The following NKIRAS1 variants were observed in gnomAD, a reference collection of about 807,000 sequenced individuals.
The protein encoded by NKIRAS1 is NFKB inhibitor interacting Ras like 1.
NKIRAS1 carries 16 observed loss-of-function variants against 19.8 expected under a neutral mutation model. That is an observed-to-expected ratio of 0.81 (90% CI 0.55 to 1.23). The LOEUF is 1.23. Among genes scored for constraint, NKIRAS1 ranks in the 50% most tolerant of loss-of-function variants. The pLI is 0.00. For missense variants in NKIRAS1, 184 were observed against 220.0 expected (o/e 0.84, Z 1.04); for synonymous variants, 88 against 79.0 (o/e 1.11, Z -0.61).
intron 3 of NKIRAS1, among the ~76,000 whole-genome samples, chr3:23,908,858 T>G (rs1703344043): frequency 6.6e-6 from 1 of 151,770 alleles, no homozygotes; most frequent in South Asian, 2.1e-4. Flanking sequence ...TTTTTTTTTT[T>G]TTCTTTTTTT....
At chr3:23,936,103 A>AAAAAAAAC (rs1705388664) in intron 1 of NKIRAS1, among the ~76,000 whole-genome samples, 1 of 150,562 alleles carries the variant, frequency 6.6e-6, no homozygotes, top group East Asian at 1.9e-4. Flanking sequence ...AAAAAAAAAA[A>AAAAAAAAC]AAAGCGGGGT....
At chr3:23,905,202 A>T (rs891196931) in intron 3 of NKIRAS1, among the ~76,000 whole-genome samples, 5 of 152,232 alleles carry the variant, frequency 3.3e-5, no homozygotes, top group South Asian at 2.1e-4. Flanking sequence ...GAAAATCCAT[A>T]GGGCAAAAAA....
chr3:23,932,688 CA>C (rs5847261), intron 1 of NKIRAS1, among the ~76,000 whole-genome samples: 13,460 of 72,942 alleles, frequency 0.18, 718 homozygotes, highest in African/African-American at 0.29. Flanking sequence ...AATTCCGTCT[CA>C]AAAAAAAAAA....
chr3:23,904,783 C>T (rs11916571), intron 3 of NKIRAS1, among the ~76,000 whole-genome samples: 1 of 152,106 alleles, frequency 6.6e-6, no homozygotes, highest in Admixed American at 6.5e-5. Context: ...TATGAATCAG[C>T]AATTTCTAGA....
intron 1 of NKIRAS1, among the ~76,000 whole-genome samples, chr3:23,931,872 G>A (rs192701939): frequency 2.3e-3 from 354 of 152,280 alleles, no homozygotes; most frequent in African/African-American, 8.1e-3. Context: ...CCCAAAGGCT[G>A]TCCCCTTTCT....
chr3:23,925,628 T>C (rs1705199363), intron 1 of NKIRAS1, among the ~76,000 whole-genome samples: 1 of 143,540 alleles, frequency 7.0e-6, no homozygotes, highest in Non-Finnish European at 1.5e-5. Context: ...AGTAAGACTC[T>C]GTCTCAAAAA....
intron 3 of NKIRAS1, among the ~76,000 whole-genome samples, chr3:23,904,983 G>C (rs758461869): frequency 1.7e-4 from 26 of 152,158 alleles, no homozygotes; most frequent in South Asian, 6.2e-4. Flanking sequence ...ACGGCAAAAT[G>C]GATGAATCTT....
At chr3:23,900,770 TA>T (rs1452385695) in intron 4 of NKIRAS1, 37 bp downstream of exon 4, 1 of 1,550,390 alleles carries the variant, frequency 6.4e-7, no homozygotes, top group Non-Finnish European at 8.9e-7. Context: ...TAAATGGTAT[TA>T]TAATTCACAT....
chr3:23,942,709 C>T (rs555093578), intron 1 of NKIRAS1, among the ~76,000 whole-genome samples: 1 of 152,254 alleles, frequency 6.6e-6, no homozygotes, highest in Admixed American at 6.5e-5. Flanking sequence ...GGGTGAGCCA[C>T]CGCTCCCGGC....
upstream of NKIRAS1, chr3:23,918,853 C>T (rs976327638): frequency 4.0e-6 from 2 of 503,958 alleles, no homozygotes; most frequent in African/African-American, 3.8e-5. Flanking sequence ...AAAATATATA[C>T]TAAATATTTT....
chr3:23,917,534 G>A (rs1329759217), upstream of NKIRAS1: 1 of 241,402 alleles, frequency 4.1e-6, no homozygotes, highest in East Asian at 1.0e-4. Flanking sequence ...TGATGTCAGC[G>A]GCATCTCCTT....
At chr3:23,933,398 C>T (rs1416322308) in intron 1 of NKIRAS1, among the ~76,000 whole-genome samples, 1 of 152,172 alleles carries the variant, frequency 6.6e-6, no homozygotes, top group Admixed American at 6.5e-5. Context: ...TGTCCAGAGA[C>T]ATTTTTGGTT....
intron 3 of NKIRAS1, among the ~76,000 whole-genome samples, chr3:23,909,861 T>G (rs1004021181): frequency 1.1e-4 from 13 of 117,666 alleles, no homozygotes; most frequent in East Asian, 2.4e-4. Context: ...TTTGTTTTTT[T>G]TTGTTTTTTT....
At chr3:23,923,099 T>C (rs9853532) in intron 1 of NKIRAS1, 114,265 of 152,116 alleles carry the variant, frequency 0.75, 43,701 homozygotes, top group African/African-American at 0.88. Context: ...CCACGGTGCC[T>C]GGCCTACATA....
chr3:23,921,801 C>T (rs1705096910), upstream of NKIRAS1: 1 of 570,352 alleles, frequency 1.8e-6, no homozygotes, highest in Non-Finnish European at 3.1e-6. Context: ...TCTCGAACTC[C>T]TGACCTCAAG....
intron 4 of NKIRAS1, among the ~76,000 whole-genome samples, chr3:23,900,186 A>G (rs1702373234): frequency 6.6e-6 from 1 of 152,096 alleles, no homozygotes; most frequent in African/African-American, 2.4e-5. Flanking sequence ...CAAAAACCCA[A>G]GGAAACAGCA....
intron 1 of NKIRAS1, among the ~76,000 whole-genome samples, chr3:23,912,627 G>T (rs1014009013): frequency 6.6e-6 from 1 of 152,188 alleles, no homozygotes; most frequent in Non-Finnish European, 1.5e-5. Context: ...GTGGAAGACA[G>T]TGTGGCGATT....
intron 1 of NKIRAS1, among the ~76,000 whole-genome samples, chr3:23,941,878 T>C (rs1320263310): frequency 6.6e-6 from 1 of 152,258 alleles, no homozygotes; most frequent in Non-Finnish European, 1.5e-5. Context: ...CTTAAAGATA[T>C]ACTTTGCAAT....
intron 1 of NKIRAS1, among the ~76,000 whole-genome samples, chr3:23,936,551 T>C (rs1261298109): frequency 2.6e-5 from 4 of 151,572 alleles, no homozygotes; most frequent in Admixed American, 6.6e-5. Flanking sequence ...TGCTTTTTCT[T>C]TTTTTTTTCT....
Sources: gnomAD v4.1 joint callset for allele counts (sites outside exome capture counted in the v4.1 genomes callset) on GRCh38, gnomAD v4.1.1 for gene constraint, MANE v1.5 for transcripts, NCBI Gene and HGNC (gene_info 2026-07-23, HGNC 2026-07-21) for gene names.